MCM3AP: variants seen among roughly 807,000 people sequenced by gnomAD.
MCM3AP encodes minichromosome maintenance complex component 3 associated protein, also known as germinal-center associated nuclear protein.
In MCM3AP, 126 loss-of-function variants were observed where a neutral mutation model predicts 184.1. The ratio of observed to expected loss-of-function variants is 0.68; its 90% CI spans 0.59 to 0.79. The LOEUF (loss-of-function observed/expected upper bound fraction) is 0.79. MCM3AP is among the 30% of genes least tolerant of loss of function. MCM3AP has a pLI of 0.00. For missense variants in MCM3AP, 2,496 were observed against 2,479.2 expected (o/e 1.01, Z -0.14); for synonymous variants, 1,002 against 979.3 (o/e 1.02, Z -0.43).
At chr21:46,242,662 G>T (rs78898989) in intron 25 of MCM3AP, 140 bp downstream of exon 25, 1 of 774,576 alleles carries the variant, frequency 1.3e-6, no homozygotes, top group Non-Finnish European at 2.0e-6. Flanking sequence ...CTACTGCATG[G>T]GAATGATCTG....
intron 15 of MCM3AP, 147 bp downstream of exon 15, chr21:46,260,646 C>T: frequency 3.2e-6 from 2 of 616,476 alleles, no homozygotes; most frequent in Non-Finnish European, 5.8e-6. Flanking sequence ...CAGAGGACTG[C>T]ATCAAATACA....
intron 6 of MCM3AP, among the ~76,000 whole-genome samples, chr21:46,274,487 T>C (rs927787250): frequency 3.9e-5 from 6 of 152,184 alleles, no homozygotes; most frequent in Non-Finnish European, 8.8e-5. Flanking sequence ...TAAAATAATA[T>C]GCTGTCATTT....
At chr21:46,256,609 A>G in intron 17 of MCM3AP, 180 bp downstream of exon 17, 1 of 693,748 alleles carries the variant, frequency 1.4e-6, no homozygotes, top group Non-Finnish European at 2.4e-6. Context: ...CATGTCCACA[A>G]CTGTGGGAGA....
At chr21:46,253,951 A>ATCAC (rs1431280473) in intron 19 of MCM3AP, 1 of 195,104 alleles carries the variant, frequency 5.1e-6, no homozygotes, top group Non-Finnish European at 1.1e-5. Flanking sequence ...TTCTCATGAT[A>ATCAC]GTGAGCTCTC....
In MCM3AP at chr21:46,259,064, G is replaced by C. The variant is rs775402003; in HGVS notation, c.3609C>G (p.Val1203=). ...LKNAVETDQR[V]RVARCCEDVC... is the part of the protein sequence containing the mutation. ...CATCCTCACAGCAACGGGCCACACG[G>C]ACCCTCTGGTCTGTCTCTACTGCAT... Residue 1203 remains valine (V), a synonymous_variant, in exon 16 of 28, where the codon GTC becomes GTG. Transcript: ENST00000291688. 5.0e-5 allele frequency: 80 copies of C among 1,613,732 alleles called. No homozygotes were observed. In the South Asian group the frequency reaches 8.7e-4, roughly 18 times the overall value.
intron 19 of MCM3AP, 46 bp downstream of exon 19, chr21:46,254,346 C>G (rs921346871): frequency 1.9e-6 from 3 of 1,611,172 alleles, no homozygotes; most frequent in South Asian, 1.1e-5. Context: ...CCCTGCCCTG[C>G]CCACTCCACC....
intron 16 of MCM3AP, among the ~76,000 whole-genome samples, chr21:46,258,733 T>TTGTGTGTGTGTGTGTGTG (rs1197167264): frequency 3.3e-3 from 240 of 72,336 alleles, no homozygotes; most frequent in Non-Finnish European, 5.2e-3. Flanking sequence ...TCCCCTTATA[T>TTGTGTGTGTGTGTGTGTG]TGTATGTGTG....
chr21:46,256,975 G>A lies in MCM3AP; in HGVS notation c.3746C>T (p.Ala1249Val). Residue 1249 changes from alanine to valine, a missense_variant, in exon 17 of 28, where the codon GCT (alanine) becomes GTT (valine). This residue lies in a region of MCM3AP where 1,323 missense variants were observed against 1,273.4 expected (regional missense o/e 1.04). Coordinates refer to ENST00000291688, the MANE Select transcript of MCM3AP (RefSeq NM_003906.5). ...CCTCAGTTTCTTGCGGGCTGTGACA[G>A]CTTCCCTCCACCTGGGGACATGAAA... ...FCKYLQRWRE[A>V]VTARKKLRRQ... 6.2e-7 allele frequency: 1 copy of A among 1,611,244 alleles called. No homozygotes were observed. The highest frequency in any genetic ancestry group is 8.5e-7 in the Non-Finnish European group (1 of 1,178,418).
At chr21:46,255,400 A>G (rs1467924945) in intron 17 of MCM3AP, among the ~76,000 whole-genome samples, 1 of 151,760 alleles carries the variant, frequency 6.6e-6, no homozygotes, top group African/African-American at 2.4e-5. Context: ...AGGCAACGCC[A>G]CCTGGCTGAG....
At position 46,277,676 on chromosome 21, in the gene MCM3AP, A is replaced by G. The variant is rs1434007477; in HGVS notation, c.1709T>C (p.Phe570Ser). The G allele has an allele frequency of 6.2e-7, 1 of 1,605,540 alleles. No homozygotes were observed. The highest frequency in any genetic ancestry group is 1.3e-5 in the African/African-American group (1 of 74,472). The part of the protein sequence containing the change: ...KKPSLLKAHQ[F>S]EGDSFDSASE... ...GGCTGAGTCAAAAGAGTCTCCCTCG[A>G]ATTGGTGGGCCTTTAGAAGACTTGG... The change falls in exon 5 of 28, where the codon TTC (phenylalanine) becomes TCC (serine). Residue 570 changes from phenylalanine (F) to serine (S), a missense_variant. This residue lies in a region of MCM3AP where 800 missense variants were observed against 717.1 expected (regional missense o/e 1.12). Transcript: ENST00000291688.
In MCM3AP at chr21:46,265,402, C is replaced by T. The variant is rs140395002; in HGVS notation, c.3153G>A (p.Pro1051=). The T allele has an allele frequency of 5.9e-5, 95 of 1,614,036 alleles. No homozygotes were observed. Among genetic ancestry groups the T allele is most frequent in the Non-Finnish European group, 6.5e-5 (77 of 1,180,000 alleles). ...GCTGGAAGAGGCTGGGCGCCACAGACGGGGTCAGTGCCAGGACAGGAGGCA... is the reference window on the plus strand; with the variant it reads ...GCTGGAAGAGGCTGGGCGCCACAGATGGGGTCAGTGCCAGGACAGGAGGCA... The part of the protein sequence containing the change: ...VPLPPVLALT[P]SVAPSLFQLS... Residue 1051 remains proline, a synonymous_variant, in exon 12 of 28, where the codon CCG becomes CCA. Transcript: ENST00000291688.
At position 46,258,836 on chromosome 21, in the gene MCM3AP, C is replaced by A. The variant is rs539265154; in HGVS notation, c.3734+103G>T. On this transcript the variant is annotated intron_variant, in intron 16 of 27. Transcript: ENST00000291688. The stretch of plus-strand genomic sequence containing the variant: ...CATTGCTATAACATTTTCCCTCATC[C>A]TTTTACCACTGAATACAGAAACTAA... 57 of 1,276,290 alleles carry A rather than the reference C, an allele frequency of 4.5e-5. No homozygotes were observed. In the South Asian group the frequency reaches 6.3e-4, roughly 14 times the overall value. 79.1% of individuals were successfully genotyped at this position (1,276,290 alleles called of 1,614,324 possible). A position where few individuals can be genotyped will look rare whatever the true frequency, so the allele number is the denominator to read the frequency against.
In MCM3AP at chr21:46,284,841, A is replaced by G; in HGVS notation, c.446T>C (p.Leu149Pro). The G allele has an allele frequency of 6.2e-7, 1 of 1,614,150 alleles. No homozygotes were observed. Among genetic ancestry groups the G allele is most frequent in the Non-Finnish European group, 8.5e-7 (1 of 1,180,050 alleles). Residue 149 changes from leucine (L) to proline (P), a missense_variant, in exon 1 of 28, where the codon CTG becomes CCG. Leu to Pro is a moderately conservative substitution (Grantham distance 98). Transcript: ENST00000291688. ...FGKTEFSFKPLENAVFKPILG... is the reference protein window; with the variant it reads ...FGKTEFSFKPPENAVFKPILG... Reference sequence around the variant, plus strand: ...TATTGGTTTGAACACTGCATTTTCCAGAGGTTTAAAGCTGAATTCTGTTTT... The same window carrying G: ...TATTGGTTTGAACACTGCATTTTCCGGAGGTTTAAAGCTGAATTCTGTTTT...
At chr21:46,265,295 C>G (rs1289149181) in intron 12 of MCM3AP, 26 bp downstream of exon 12, 2 of 1,609,906 alleles carry the variant, frequency 1.2e-6, no homozygotes, top group African/African-American at 2.7e-5. Flanking sequence ...TCCCAGAGTC[C>G]AGACCTAGAA....
chr21:46,275,912 C>A (rs1283786147), intron 5 of MCM3AP, among the ~76,000 whole-genome samples: 1 of 152,182 alleles, frequency 6.6e-6, no homozygotes, highest in Non-Finnish European at 1.5e-5. Context: ...GGAAATGCAA[C>A]AACTTCACAC....
At position 46,243,481 on chromosome 21, in the gene MCM3AP, C is replaced by G. The variant is rs373639798; in HGVS notation, c.5280G>C (p.Arg1760=). Residue 1760 remains arginine (R), a synonymous_variant, in exon 24 of 28, where the codon CGG becomes CGC. Coordinates refer to ENST00000291688, the MANE Select transcript of MCM3AP (RefSeq NM_003906.5). Reference sequence around the variant, plus strand: ...TCTAATTACCTGATGTAACAGGAAGCCGGGGGGGCGTCCAGTCTCTCAGCT... The same window carrying G: ...TCTAATTACCTGATGTAACAGGAAGGCGGGGGGGCGTCCAGTCTCTCAGCT... ...NHKLRDWTPP[R]LPVTSEALSE... 1 of 1,610,274 alleles carries G rather than the reference C, an allele frequency of 6.2e-7. No homozygotes were observed. Among genetic ancestry groups the G allele is most frequent in the African/African-American group, 1.3e-5 (1 of 74,850 alleles).
At chr21:46,272,140 G>A (rs1170001449) in intron 8 of MCM3AP, among the ~76,000 whole-genome samples, 3 of 151,910 alleles carry the variant, frequency 2.0e-5, no homozygotes, top group Admixed American at 1.3e-4. Context: ...CCCATTCTTC[G>A]CATTTTTGTT....
chr21:46,248,253 G>A (rs926279442), intron 20 of MCM3AP, among the ~76,000 whole-genome samples: 6 of 152,020 alleles, frequency 3.9e-5, no homozygotes, highest in African/African-American at 1.4e-4. Flanking sequence ...AGTCCCCCTG[G>A]GCCCCTGAAC....
chr21:46,241,927 A>T (rs2123814917), intron 25 of MCM3AP: 1 of 152,334 alleles, frequency 6.6e-6, no homozygotes, highest in South Asian at 2.1e-4. Context: ...AAGGTACTTC[A>T]AGGATCTCTA....
Sources: allele counts gnomAD v4.1 joint callset (sites outside exome capture counted in the v4.1 genomes callset), GRCh38; gene constraint gnomAD v4.1.1; regional missense constraint gnomAD v4.1.1; transcripts MANE v1.5; gene names NCBI Gene and HGNC (gene_info 2026-07-23, HGNC 2026-07-21).